Variants in WFDC3 observed in about 807,000 individuals in gnomAD.
WFDC3 encodes the protein WAP four-disulfide core domain 3, also known as WAP four-disulfide core domain protein 3.
In WFDC3, 15 loss-of-function variants were observed where a neutral mutation model predicts 25.8. The ratio of observed to expected loss-of-function variants is 0.58; its 90% CI spans 0.39 to 0.89. The LOEUF is 0.89. WFDC3 is among the 40% of genes least tolerant of loss of function. The pLI, the probability that WFDC3 is intolerant of heterozygous loss-of-function variation, is 0.00. For synonymous variants in WFDC3, 103 were observed against 107.1 expected (o/e 0.96, Z 0.24); for missense variants, 264 against 289.8 (o/e 0.91, Z 0.65).
rs1980549480 is a variant in WFDC3, at chr20:45,783,721, C to T, written c.358+4115G>A. The stretch of plus-strand genomic sequence containing the variant: ...CTCAGGCAACCTGACTGAACCTCCA[C>T]TTTGCCAAACAGACCAGCGCTGGCT... On this transcript the variant is annotated intron_variant, in intron 4 of 6. Transcript: ENST00000243938. Among the ~76,000 whole-genome samples, 3 of 152,032 alleles carry T rather than the reference C, an allele frequency of 2.0e-5. No homozygotes were observed. The South Asian group carries it at 6.2e-4, about 31-fold the overall frequency.
At chr20:45,789,185 C>A in intron 2 of WFDC3, 126 bp from the exon 3 acceptor site, 1 of 1,261,058 alleles carries the variant, frequency 7.9e-7, no homozygotes, top group Non-Finnish European at 1.1e-6. Flanking sequence ...GCCTGGGTGA[C>A]AGAATGAGAC....
Position 45,774,304 on chromosome 20 carries a change from G to A in WFDC3, c.*124C>T. The A allele has an allele frequency of 6.8e-6, 9 of 1,326,530 alleles. No individual in the cohort carries two copies. Among genetic ancestry groups the A allele is most frequent in the Non-Finnish European group, 9.8e-6 (9 of 921,550 alleles). 82.2% of individuals were successfully genotyped at this position (1,326,530 alleles called of 1,614,324 possible). A position where few individuals can be genotyped will look rare whatever the true frequency, so the allele number is the denominator to read the frequency against. On this transcript the variant is annotated 3_prime_UTR_variant, in exon 7 of 7. Coordinates refer to ENST00000243938, the MANE Select transcript of WFDC3 (RefSeq NM_080614.2). ...CATGCTCTGGTCAGCGGCAGGAGGA[G>A]AAGCAGAGCAGAGAGGGCCATGAGT...
intron 5 of WFDC3, among the ~76,000 whole-genome samples, chr20:45,776,665 T>C (rs1387217102): frequency 2.1e-5 from 3 of 141,398 alleles, no homozygotes; most frequent in Admixed American, 1.4e-4. Context: ...TATATATGTG[T>C]GTGTGTGTTT....
chr20:45,790,868 T>A (rs901163531), intron 1 of WFDC3: 2 of 470,928 alleles, frequency 4.2e-6, no homozygotes, highest in African/African-American at 4.0e-5. Flanking sequence ...CTGTATGAAG[T>A]CTAGCTGGCA....
chr20:45,787,722 T>C, intron 4 of WFDC3, 114 bp downstream of exon 4: 1 of 1,373,346 alleles, frequency 7.3e-7, no homozygotes, highest in Non-Finnish European at 9.7e-7. Flanking sequence ...ATCTTTTTTT[T>C]TTAAGGTCTT....
At chr20:45,787,758 A>C (rs1335330826) in intron 4 of WFDC3, 78 bp downstream of exon 4, 7 of 1,492,916 alleles carry the variant, frequency 4.7e-6, no homozygotes, top group Admixed American at 4.7e-5. Context: ...AGTAAAACCA[A>C]CAAGCTGATA....
chr20:45,776,617 A>G (rs1980176384), intron 5 of WFDC3, among the ~76,000 whole-genome samples: 1 of 72,910 alleles, frequency 1.4e-5, no homozygotes, highest in Non-Finnish European at 2.5e-5. Context: ...AAAAAAGAAA[A>G]AAAAGAAAAA....
chr20:45,784,304 A>G (rs545231923), intron 4 of WFDC3, among the ~76,000 whole-genome samples: 43 of 152,326 alleles, frequency 2.8e-4, no homozygotes, highest in South Asian at 2.1e-4. Context: ...GACAGACCCA[A>G]TGGGTACCAG....
chr20:45,776,660 A>ATATATATGTG (rs762240715), intron 5 of WFDC3, among the ~76,000 whole-genome samples: 46 of 93,270 alleles, frequency 4.9e-4, no homozygotes, highest in South Asian at 1.2e-3. Flanking sequence ...ATATATATAT[A>ATATATATGTG]TGTGTGTGTG....
At chr20:45,780,847 A>G (rs1462547052) in intron 4 of WFDC3, among the ~76,000 whole-genome samples, 1 of 150,852 alleles carries the variant, frequency 6.6e-6, no homozygotes, top group Non-Finnish European at 1.5e-5. Flanking sequence ...TCTTGTAAAT[A>G]GAGAGACAGA....
intron 1 of WFDC3, 28 bp downstream of exon 1, chr20:45,791,804 A>C (rs1981008407): frequency 2.5e-6 from 1 of 392,560 alleles, no homozygotes; most frequent in Non-Finnish European, 4.5e-6. Context: ...AGCCCTCCCG[A>C]GAGGAAGCCC....
At chr20:45,776,630 AAAAAAATATAT>A (rs1980184766) in intron 5 of WFDC3, among the ~76,000 whole-genome samples, 1 of 67,260 alleles carries the variant, frequency 1.5e-5, no homozygotes, top group African/African-American at 6.2e-5. Context: ...AAGAAAAAAA[AAAAAAATATAT>A]ATATATATAT....
At chr20:45,787,282 C>CT (rs1158318114) in intron 4 of WFDC3, among the ~76,000 whole-genome samples, 4,771 of 73,704 alleles carry the variant, frequency 0.065, 985 homozygotes, top group African/African-American at 0.15. Flanking sequence ...TTTCTTTTTT[C>CT]TTTTTTTTTT....
chr20:45,790,175 G>A, intron 1 of WFDC3, 193 bp from the exon 2 acceptor site: 3 of 513,852 alleles, frequency 5.8e-6, no homozygotes, highest in Middle Eastern at 5.1e-4. Flanking sequence ...GAAAATTCCT[G>A]GCACTACCAA....
At chr20:45,790,590 TG>T (rs1036999442) in intron 1 of WFDC3, among the ~76,000 whole-genome samples, 2 of 152,108 alleles carry the variant, frequency 1.3e-5, no homozygotes, top group African/African-American at 4.8e-5. Context: ...CTGGGCATGC[TG>T]GTGCATGCCT....
At chr20:45,788,768 T>C (rs1980802516) in intron 3 of WFDC3, 163 bp downstream of exon 3, 1 of 919,240 alleles carries the variant, frequency 1.1e-6, no homozygotes. Flanking sequence ...CTGGGGGCAC[T>C]GAATAATTAA....
intron 4 of WFDC3, among the ~76,000 whole-genome samples, chr20:45,785,207 A>G (rs192648452): frequency 6.6e-6 from 1 of 152,210 alleles, no homozygotes; most frequent in African/African-American, 2.4e-5. Flanking sequence ...ACAGTGGCTC[A>G]TGCCTGTAAT....
chr20:45,788,834 CAGAGGCAACCT>C, intron 3 of WFDC3, 86 bp downstream of exon 3: 1 of 1,490,826 alleles, frequency 6.7e-7, no homozygotes. Context: ...GGGAGACTTC[CAGAGGCAACCT>C]AGAAGGTGGG....
chr20:45,791,467 T>A (rs553354575), intron 1 of WFDC3, among the ~76,000 whole-genome samples: 2 of 151,988 alleles, frequency 1.3e-5, no homozygotes, highest in South Asian at 2.1e-4. Context: ...CGGCTAATTT[T>A]TATATTTTTA....
Sources: allele counts gnomAD v4.1 joint callset (sites outside exome capture counted in the v4.1 genomes callset), GRCh38; gene constraint gnomAD v4.1.1; transcripts MANE v1.5; gene names NCBI Gene and HGNC (gene_info 2026-07-23, HGNC 2026-07-21).